Variants in OSGEPL1 observed in about 807,000 individuals in gnomAD.
OSGEPL1 encodes tRNA N6-adenosine threonylcarbamoyltransferase, mitochondrial.
A neutral mutation model predicts 37.2 loss-of-function variants in OSGEPL1; 26 were observed. That is an observed-to-expected ratio of 0.70 (90% confidence interval 0.51 to 0.97). The LOEUF (loss-of-function observed/expected upper bound fraction) is 0.97. Among genes scored for constraint, OSGEPL1 ranks in the 50% least tolerant of loss-of-function variants. The pLI is 0.00. For synonymous variants in OSGEPL1, 140 were observed against 159.9 expected (o/e 0.88, Z 0.94); for missense variants, 404 against 487.0 (o/e 0.83, Z 1.60).
At chr2:189,761,273 G>A (rs1397834135) in intron 2 of OSGEPL1, 147 bp downstream of exon 2, 8 of 752,740 alleles carry the variant, frequency 1.1e-5, no homozygotes, top group Non-Finnish European at 1.6e-5. Flanking sequence ...AGGATGAAGT[G>A]TTTGAGGTTT....
upstream of OSGEPL1, chr2:189,763,047 A>T (rs1467407164): frequency 7.2e-6 from 7 of 968,348 alleles, no homozygotes; most frequent in African/African-American, 1.8e-5. Flanking sequence ...TTAAAAAGAA[A>T]TTTTTTTTTT....
chr2:189,754,120 C>T (rs2045710245), intron 4 of OSGEPL1, 21 bp downstream of exon 4: 7 of 1,612,200 alleles, frequency 4.3e-6, no homozygotes, highest in Non-Finnish European at 5.9e-6. Context: ...ATCTGTTCAA[C>T]TTTACTAATT....
At chr2:189,748,537 TAA>T (rs2044532698) in intron 8 of OSGEPL1, among the ~76,000 whole-genome samples, 1 of 152,356 alleles carries the variant, frequency 6.6e-6, no homozygotes, top group East Asian at 1.9e-4. Context: ...CACTAAAAAA[TAA>T]GAGACCTCTT....
rs1267533260 is a variant in OSGEPL1, at chr2:189,752,691, G to C, written c.1128C>G (p.Gly376=). The C allele has an allele frequency of 3.7e-6, 6 of 1,613,678 alleles. No individual in the cohort carries two copies. The African/African-American group carries it at 8.0e-5, about 22-fold the overall frequency. Residue 376 remains glycine (G), a synonymous_variant, in exon 7 of 9, where the codon GGC becomes GGG. Coordinates refer to ENST00000264151, the MANE Select transcript of OSGEPL1 (RefSeq NM_022353.3). ...GGATGCCTTCTATGTCATGTAAAAT[G>C]CCCAAGCCAGCACGTAGTCTTTCAA... ...NGIERLRAGL[G]ILHDIEGIRY...
At chr2:189,752,260 A>G (rs919705737) in intron 7 of OSGEPL1, among the ~76,000 whole-genome samples, 12 of 152,202 alleles carry the variant, frequency 7.9e-5, no homozygotes, top group Non-Finnish European at 1.5e-4. Flanking sequence ...CCTGTGTAAG[A>G]GCATAATCAC....
At chr2:189,750,475 G>T in intron 8 of OSGEPL1, 75 bp downstream of exon 8, 1 of 592,120 alleles carries the variant, frequency 1.7e-6, no homozygotes, top group Non-Finnish European at 2.9e-6. Context: ...AAATCTTGAT[G>T]AATAATTAAT....
At chr2:189,748,513 T>G (rs987193184) in intron 8 of OSGEPL1, among the ~76,000 whole-genome samples, 1 of 152,236 alleles carries the variant, frequency 6.6e-6, no homozygotes, top group Non-Finnish European at 1.5e-5. Flanking sequence ...CCATGCAAAG[T>G]TTGTGTTCTT....
Position 189,754,154 on chromosome 2 carries a change from CT to C in OSGEPL1, c.800del (p.Lys267ArgfsTer32). 1 of 1,611,208 alleles carries C rather than the reference CT, an allele frequency of 6.2e-7. No individual in the cohort carries two copies. Among genetic ancestry groups the C allele is most frequent in the Non-Finnish European group, 8.5e-7 (1 of 1,178,994 alleles). ...TTAGAAATATACCTTCCTCTTTTTC[CT>C]TTTTCATTATTATTTTATCAGTAAC... ...QHVTDKIIMK[K>X]EKEEGIEKGQ... On this transcript the variant is annotated frameshift_variant, in exon 4 of 9. Coordinates refer to ENST00000264151, the MANE Select transcript of OSGEPL1 (RefSeq NM_022353.3). LOFTEE classifies it high-confidence loss of function.
chr2:189,752,732 A>G lies in OSGEPL1; in HGVS notation c.1095-8T>C. The G allele has an allele frequency of 2.5e-6, 4 of 1,613,986 alleles. No homozygotes were observed. The highest frequency in any genetic ancestry group is 2.5e-6 in the Non-Finnish European group (3 of 1,179,870). ...AGTCTTTCAATACCATTCCTAAATA[A>G]GAAGCATTAAAATAAAATCAATAGC... On this transcript the variant is annotated splice_region_variant and splice_polypyrimidine_tract_variant and intron_variant, in intron 6 of 8. Transcript: ENST00000264151.
rs1323138826 is a variant in OSGEPL1, at chr2:189,761,465, T to A, written c.176A>T (p.Asn59Ile). ...GGAATGTATTGCTTCTCCCAACACA[T>A]TTCCAGTTTCATCCACCACAGCAGC... ...TAAAVVDETG[N>I]VLGEAIHSQT... The change falls in exon 2 of 9, where the codon AAT becomes ATT. Residue 59 changes from asparagine to isoleucine, a missense_variant. Transcript: ENST00000264151. The A allele has an allele frequency of 6.2e-7, 1 of 1,612,732 alleles. No homozygotes were observed. The highest frequency in any genetic ancestry group is 8.5e-7 in the Non-Finnish European group (1 of 1,179,514).
At chr2:189,761,692 T>C in intron 1 of OSGEPL1, 32 bp from the exon 2 acceptor site, 1 of 1,467,680 alleles carries the variant, frequency 6.8e-7, no homozygotes, top group East Asian at 2.4e-5. Context: ...AACTTATTAT[T>C]TGCAACTGAC....
At chr2:189,754,605 G>A (rs1458970429) in intron 3 of OSGEPL1, 2 of 430,866 alleles carry the variant, frequency 4.6e-6, no homozygotes, top group African/African-American at 4.1e-5. Flanking sequence ...TGGGCTTGAA[G>A]TTGACAATAA....
At chr2:189,760,944 T>C (rs1391782848) in intron 2 of OSGEPL1, among the ~76,000 whole-genome samples, 1 of 152,230 alleles carries the variant, frequency 6.6e-6, no homozygotes, top group East Asian at 1.9e-4. Flanking sequence ...TGTCCATTTA[T>C]TTAGGTAACC....
At chr2:189,750,314 C>T (rs74940016) in intron 8 of OSGEPL1, among the ~76,000 whole-genome samples, 2,472 of 152,148 alleles carry the variant, frequency 0.016, 66 homozygotes, top group African/African-American at 0.056. Flanking sequence ...TTCCTTTCTA[C>T]CTGCCAGCAT....
chr2:189,762,990 CA>C (rs374814420), upstream of OSGEPL1: 53 of 985,322 alleles, frequency 5.4e-5, no homozygotes, highest in African/African-American at 8.7e-4. Context: ...AGGCCGAATA[CA>C]GGTTTGTCTG....
At chr2:189,761,288 T>C (rs2047032372) in intron 2 of OSGEPL1, 132 bp downstream of exon 2, 3 of 898,400 alleles carry the variant, frequency 3.3e-6, no homozygotes, top group East Asian at 2.9e-5. Context: ...AGGTTTTCTA[T>C]AGCAGTTATT....
chr2:189,763,178 C>G (rs962897230), upstream of OSGEPL1: 1 of 985,002 alleles, frequency 1.0e-6, no homozygotes, highest in Admixed American at 6.2e-5. Flanking sequence ...ATACTTTCAT[C>G]GGAGAAATAG....
chr2:189,763,117 T>C (rs2047359320), upstream of OSGEPL1: 2 of 985,152 alleles, frequency 2.0e-6, no homozygotes, highest in South Asian at 4.7e-5. Context: ...TATTCGTCAT[T>C]CATTTTTAAG....
At position 189,762,746 on chromosome 2, in the gene OSGEPL1, C is replaced by T. The variant is rs1008732628; in HGVS notation, c.-82G>A. ...TTTCCCTACTAAAGACTGTCGACTG[C>T]CCTTATCGCTGCAGGAGAAAGCCCG... On this transcript the variant is annotated 5_prime_UTR_variant, in exon 1 of 9. Coordinates refer to ENST00000264151, the MANE Select transcript of OSGEPL1 (RefSeq NM_022353.3). 41 of 985,444 alleles carry T rather than the reference C, an allele frequency of 4.2e-5. No homozygotes were observed. The highest frequency in any genetic ancestry group is 4.0e-5 in the Non-Finnish European group (33 of 830,046). 61.0% of individuals were successfully genotyped at this position (985,444 alleles called of 1,614,324 possible).
Sources: gnomAD v4.1 joint callset for allele counts (sites outside exome capture counted in the v4.1 genomes callset) on GRCh38, gnomAD v4.1.1 for gene constraint, MANE v1.5 for transcripts, NCBI Gene and HGNC (gene_info 2026-07-23, HGNC 2026-07-21) for gene names.